Variants in CRYBB2 observed in about 807,000 individuals in gnomAD.
CRYBB2 encodes the protein crystallin beta B2.
In CRYBB2, 12 loss-of-function variants were observed where a neutral mutation model predicts 24.3. That is an observed-to-expected ratio of 0.49 (90% CI 0.32 to 0.80). The LOEUF (loss-of-function observed/expected upper bound fraction) is 0.80. Ranked by LOEUF, CRYBB2 falls within the 30% of genes least tolerant of loss-of-function variation. The pLI is 0.04. For synonymous variants in CRYBB2, 98 were observed against 101.6 expected, an observed-to-expected ratio of 0.96 and a Z score of 0.21; for missense variants, 198 against 268.5, an observed-to-expected ratio of 0.74 and a Z score of 1.83.
In CRYBB2 at chr22:25,229,558, T is replaced by G. The variant is rs760150001; in HGVS notation, c.429T>G (p.Ser143=). 6 of 1,614,166 alleles carry G rather than the reference T, an allele frequency of 3.7e-6. No homozygotes were observed. In the East Asian group the frequency reaches 1.3e-4, roughly 36 times the overall value. ...HAHGYQEKVS[S]VRVQSGTWVG... ...ATGGCTACCAGGAGAAGGTGTCATC[T>G]GTGCGGGTGCAGAGTGGCACGTAAG... Residue 143 remains serine (S), a synonymous_variant, in exon 5 of 6, where the codon TCT becomes TCG. Transcript: ENST00000398215.
At position 25,221,487 on chromosome 22, in the gene CRYBB2, G is replaced by A. The variant is rs767439574; in HGVS notation, c.54+4G>A. ...GCCACAGTCCCTCAACCCCAAGGTG[G>A]GTACCTCTCAGAGGAGGGGGCATGC... On this transcript the variant is annotated splice_donor_region_variant and intron_variant, in intron 2 of 5. Transcript: ENST00000398215. 3 of 1,611,170 alleles carry A rather than the reference G, an allele frequency of 1.9e-6. No homozygotes were observed. In the East Asian group the frequency reaches 6.7e-5, roughly 36 times the overall value.
chr22:25,229,649 G>T, intron 5 of CRYBB2, 71 bp downstream of exon 5: 1 of 1,590,582 alleles, frequency 6.3e-7, no homozygotes, highest in Non-Finnish European at 8.6e-7. Context: ...GTCCTGCTCT[G>T]CCCTGTACAC....
At chr22:25,220,460 G>A (rs748764739) in intron 1 of CRYBB2, among the ~76,000 whole-genome samples, 2 of 152,256 alleles carry the variant, frequency 1.3e-5, no homozygotes, top group African/African-American at 2.4e-5. Context: ...GGACTGGGAA[G>A]TGATATGGCA....
intron 5 of CRYBB2, among the ~76,000 whole-genome samples, chr22:25,230,419 G>A (rs978641222): frequency 6.6e-6 from 1 of 152,026 alleles, no homozygotes; most frequent in Non-Finnish European, 1.5e-5. Context: ...GCCTCCCAAA[G>A]TGCAGGGATT....
At chr22:25,224,887 A>G (rs1935385572) in intron 2 of CRYBB2, 31 bp from the exon 3 acceptor site, 1 of 1,192,864 alleles carries the variant, frequency 8.4e-7, no homozygotes, top group East Asian at 2.3e-5. Context: ...CTTCATCGTG[A>G]TGAGGGTCTG....
In CRYBB2 at chr22:25,224,963, C is replaced by T; in HGVS notation, c.100C>T (p.Leu34Phe). ...QENFQGHSHE[L>F]NGPCPNLKET... ...AAACTTTCAAGGCCACTCGCATGAG[C>T]TCAATGGGCCCTGCCCCAACCTGAA... The change falls in exon 3 of 6, where the codon CTC becomes TTC. Residue 34 changes from leucine to phenylalanine, a missense_variant. By Grantham distance (22) the Leu-to-Phe change is conservative. Coordinates refer to ENST00000398215, the MANE Select transcript of CRYBB2 (RefSeq NM_000496.3). 6.2e-7 allele frequency: 1 copy of T among 1,613,122 alleles called. No homozygotes were observed. The highest frequency in any genetic ancestry group is 8.5e-7 in the Non-Finnish European group (1 of 1,179,062).
upstream of CRYBB2, among the ~76,000 whole-genome samples, chr22:25,218,712 GA>G: frequency 1.8e-5 from 1 of 56,908 alleles, no homozygotes; most frequent in Non-Finnish European, 3.6e-5. Flanking sequence ...GAGGGGGAGA[GA>G]GAGAGAGAGA....
At chr22:25,218,820 AAGAAAGAAAG>A (rs1569016446), upstream of CRYBB2, among the ~76,000 whole-genome samples, 10 of 91,156 alleles carry the variant, frequency 1.1e-4, no homozygotes, top group Admixed American at 1.0e-3. Context: ...GAAAGAAAGA[AAGAAAGAAAG>A]AAAGAAAGAG....
chr22:25,218,871 C>G (rs895098782), upstream of CRYBB2, among the ~76,000 whole-genome samples: 7 of 137,810 alleles, frequency 5.1e-5, no homozygotes, highest in African/African-American at 1.9e-4. Context: ...GAAAGAGAAA[C>G]AGCCAGGGGC....
chr22:25,223,213 T>C (rs1421833279), intron 2 of CRYBB2, among the ~76,000 whole-genome samples: 1 of 152,058 alleles, frequency 6.6e-6, no homozygotes, highest in African/African-American at 2.4e-5. Flanking sequence ...ATCCCAGTGT[T>C]GTGTGCACAG....
upstream of CRYBB2, among the ~76,000 whole-genome samples, chr22:25,218,775 G>GAAA (rs1569016237): frequency 4.5e-5 from 1 of 22,286 alleles, no homozygotes; most frequent in Non-Finnish European, 9.3e-5. Flanking sequence ...GAGAGAGAGA[G>GAAA]AGAGAAGAAA....
upstream of CRYBB2, among the ~76,000 whole-genome samples, chr22:25,216,641 G>T (rs1935173092): frequency 6.6e-6 from 1 of 152,084 alleles, no homozygotes; most frequent in African/African-American, 2.4e-5. Context: ...GTAAAATACT[G>T]CATAGCATAA....
upstream of CRYBB2, among the ~76,000 whole-genome samples, chr22:25,211,949 G>A (rs1257882753): frequency 6.6e-6 from 1 of 152,224 alleles, no homozygotes; most frequent in East Asian, 1.9e-4. Flanking sequence ...CTCACTGTTT[G>A]CCTTTGGGCA....
intron 3 of CRYBB2, among the ~76,000 whole-genome samples, chr22:25,226,888 G>T (rs2146091472): frequency 6.6e-6 from 1 of 152,320 alleles, no homozygotes; most frequent in South Asian, 2.1e-4. Flanking sequence ...TGGCCAGGAT[G>T]ATCTCGAGCT....
chr22:25,220,288 T>C (rs564167876), intron 1 of CRYBB2, among the ~76,000 whole-genome samples: 14 of 152,378 alleles, frequency 9.2e-5, no homozygotes, highest in Non-Finnish European at 1.8e-4. Flanking sequence ...CCTCACAACC[T>C]GTTCACAGGT....
rs766335820 is a variant in CRYBB2, at chr22:25,219,830, T to G, written c.-27+164T>G. 1.1e-4 allele frequency among the ~76,000 whole-genome samples: 16 copies of G among 152,160 alleles called. No homozygotes were observed. In the East Asian group the frequency reaches 3.1e-3, roughly 29 times the overall value. On this transcript the variant is annotated intron_variant, in intron 1 of 5. Transcript: ENST00000398215. The stretch of plus-strand genomic sequence containing the variant: ...AACTGGGAAGGGGGTTAAAAAGCCT[T>G]CTTTATTGTAAGGATTCAAGAGAAG...
upstream of CRYBB2, among the ~76,000 whole-genome samples, chr22:25,218,781 A>AAGAAAG (rs1935253038): frequency 2.9e-5 from 1 of 34,984 alleles, no homozygotes; most frequent in Admixed American, 2.9e-4. Flanking sequence ...GAGAGAGAGA[A>AAGAAAG]GAAAGAAAGA....
At chr22:25,213,171 G>C (rs1220719211) in intron 1 of CRYBB2, 3 of 152,094 alleles carry the variant, frequency 2.0e-5, no homozygotes, top group Non-Finnish European at 4.4e-5. Context: ...AGAGTAAAAG[G>C]GCTGTTACAA....
At chr22:25,218,779 G>A (rs1401248578), upstream of CRYBB2, among the ~76,000 whole-genome samples, 13 of 34,526 alleles carry the variant, frequency 3.8e-4, no homozygotes, top group East Asian at 1.0e-3. Context: ...GAGAGAGAGA[G>A]AAGAAAGAAA....
Sources: gnomAD v4.1 joint callset for allele counts (sites outside exome capture counted in the v4.1 genomes callset) on GRCh38, gnomAD v4.1.1 for gene constraint, MANE v1.5 for transcripts, NCBI Gene and HGNC (gene_info 2026-07-23, HGNC 2026-07-21) for gene names.